Variants in TENM1 observed in about 807,000 individuals in gnomAD.
TENM1 encodes the protein teneurin transmembrane protein 1.
In TENM1, 35 loss-of-function variants were observed where a neutral mutation model predicts 174.8. The observed-to-expected ratio is 0.20, with a 90% CI of 0.15 to 0.27. The LOEUF is 0.27. Ranked by LOEUF, TENM1 falls within the 10% of genes least tolerant of loss-of-function variation. The pLI is 1.00. For missense variants in TENM1, 1,633 were observed against 2,130.1 expected, an observed-to-expected ratio of 0.77 and a Z score of 4.59; for synonymous variants, 781 against 798.7, an observed-to-expected ratio of 0.98 and a Z score of 0.37.
At chrX:124,639,939 G>A (rs753761424) in intron 11 of TENM1, among the ~76,000 whole-genome samples, 7 of 110,178 alleles carry the variant, frequency 6.4e-5, no homozygotes, top group Admixed American at 4.8e-4. Flanking sequence ...TTTCTAACTT[G>A]TTCAATGTCT....
chrX:125,177,912 T>C, the TENM1 span, among the ~76,000 whole-genome samples: 1 of 112,171 alleles, frequency 8.9e-6, no homozygotes, highest in African/African-American at 3.2e-5. Flanking sequence ...GTTGTTTTTC[T>C]TCCATATTTT....
chrX:124,478,674 A>C lies in TENM1; in HGVS notation c.3949+3058T>G, dbSNP rs184461487. Among the ~76,000 whole-genome samples the C allele has an allele frequency of 1.6e-3, 181 of 111,917 alleles. No homozygotes were observed. The Middle Eastern group carries it at 0.028, about 17-fold the overall frequency. On this transcript the variant is annotated intron_variant, in intron 22 of 31. Coordinates refer to ENST00000422452, the Ensembl canonical transcript of TENM1. ...TAGAAATGGTGCTCCCTAGATGTAC[A>C]TTTCCATTTTCTACTGATCTACAGC...
chrX:124,842,168 T>G (rs979699781), intron 3 of TENM1, among the ~76,000 whole-genome samples: 1 of 111,669 alleles, frequency 9.0e-6, no homozygotes, highest in African/African-American at 3.3e-5. Flanking sequence ...CTCAGTCTAC[T>G]GCCTAGAACT....
intron 1 of TENM1, among the ~76,000 whole-genome samples, chrX:124,933,804 TA>T (rs1445663096): frequency 8.9e-6 from 1 of 111,928 alleles, no homozygotes; most frequent in Non-Finnish European, 1.9e-5. Context: ...GGCCACACTT[TA>T]TTTACCCAGT....
chrX:124,568,133 C>CA (rs1460478832), intron 11 of TENM1, among the ~76,000 whole-genome samples: 4 of 111,363 alleles, frequency 3.6e-5, no homozygotes, highest in African/African-American at 1.3e-4. Flanking sequence ...TCTTGGCTCA[C>CA]AAAAAAAGAG....
At chrX:125,058,828 C>T in the TENM1 span, among the ~76,000 whole-genome samples, 5 of 110,827 alleles carry the variant, frequency 4.5e-5, no homozygotes, top group East Asian at 5.7e-4. Flanking sequence ...TCTTCAATTG[C>T]TTTGAATTCT....
At chrX:125,156,942 A>G in the TENM1 span, among the ~76,000 whole-genome samples, 1 of 112,599 alleles carries the variant, frequency 8.9e-6, no homozygotes, top group South Asian at 3.6e-4. Flanking sequence ...ACAAATATTT[A>G]TTGAAGTATT....
At chrX:125,152,026 C>A in the TENM1 span, among the ~76,000 whole-genome samples, 1 of 111,468 alleles carries the variant, frequency 9.0e-6, no homozygotes, top group African/African-American at 3.3e-5. Flanking sequence ...GAGGCTGAAG[C>A]TGGTGGATCT....
chrX:124,559,406 A>T (rs1225221345), intron 14 of TENM1, among the ~76,000 whole-genome samples: 1 of 111,586 alleles, frequency 9.0e-6, no homozygotes, highest in Non-Finnish European at 1.9e-5. Flanking sequence ...AGTGGCTCAC[A>T]CCTGAAATCC....
At chrX:124,551,706 T>C (rs1209118465) in intron 14 of TENM1, among the ~76,000 whole-genome samples, 1 of 112,175 alleles carries the variant, frequency 8.9e-6, no homozygotes, top group African/African-American at 3.2e-5. Context: ...GTTCAGGTTT[T>C]GTACACCATT....
At chrX:124,444,949 C>T (rs1485233170) in intron 23 of TENM1, among the ~76,000 whole-genome samples, 1 of 111,515 alleles carries the variant, frequency 9.0e-6, no homozygotes, top group Non-Finnish European at 1.9e-5. Context: ...TGGGCTTTGG[C>T]GTCAGGTTGA....
intron 6 of TENM1, among the ~76,000 whole-genome samples, chrX:124,663,179 C>T (rs1329941229): frequency 9.0e-6 from 1 of 111,626 alleles, no homozygotes; most frequent in Non-Finnish European, 1.9e-5. Context: ...GTGGCTGACA[C>T]TTTCAGTATA....
intron 3 of TENM1, among the ~76,000 whole-genome samples, chrX:124,759,379 G>A (rs2054350860): frequency 9.0e-6 from 1 of 111,147 alleles, no homozygotes; most frequent in Non-Finnish European, 1.9e-5. Context: ...GGTTACATAA[G>A]TTCTTTAGTG....
the TENM1 span, among the ~76,000 whole-genome samples, chrX:124,999,792 T>C: frequency 2.7e-5 from 3 of 111,335 alleles, no homozygotes; most frequent in Admixed American, 1.9e-4. Context: ...AAAAGTAACA[T>C]GGATACTTCA....
At chrX:124,795,480 C>G (rs1018772166) in intron 3 of TENM1, among the ~76,000 whole-genome samples, 3 of 111,829 alleles carry the variant, frequency 2.7e-5, no homozygotes, top group Non-Finnish European at 5.7e-5. Flanking sequence ...GCATTTTGAT[C>G]ATACAAAAGC....
the TENM1 span, among the ~76,000 whole-genome samples, chrX:125,023,309 G>A: frequency 9.0e-6 from 1 of 111,315 alleles, no homozygotes; most frequent in Non-Finnish European, 1.9e-5. Flanking sequence ...CATGTGAGAC[G>A]TGCCTTTGCT....
intron 11 of TENM1, among the ~76,000 whole-genome samples, chrX:124,577,346 C>A (rs28432723): frequency 0.035 from 3,940 of 111,012 alleles, 77 homozygotes; most frequent in African/African-American, 0.065. Context: ...ACAGACCATG[C>A]ACCAACAGTT....
At chrX:125,000,799 A>G in the TENM1 span, among the ~76,000 whole-genome samples, 1 of 111,417 alleles carries the variant, frequency 9.0e-6, no homozygotes, top group Non-Finnish European at 1.9e-5. Context: ...ACTCATCTTG[A>G]GCTCCTCATT....
chrX:124,769,741 G>T (rs2054613155), intron 3 of TENM1, among the ~76,000 whole-genome samples: 1 of 111,990 alleles, frequency 8.9e-6, no homozygotes, highest in South Asian at 3.7e-4. Flanking sequence ...TTTTAAAAAG[G>T]TAATTTATAT....
Sources: gnomAD v4.1 joint callset for allele counts (sites outside exome capture counted in the v4.1 genomes callset) on GRCh38, gnomAD v4.1.1 for gene constraint, MANE v1.5 for transcripts, NCBI Gene and HGNC (gene_info 2026-07-23, HGNC 2026-07-21) for gene names.